Variants in ACOT1 observed in about 807,000 individuals in gnomAD.
ACOT1 encodes acyl-CoA thioesterase 1, also known as acyl-coenzyme A thioesterase 1.
ACOT1 carries 8 observed loss-of-function variants against 15.7 expected under a neutral mutation model. The observed-to-expected ratio is 0.51, with a 90% CI of 0.30 to 0.92. The LOEUF is 0.92. ACOT1 is among the 40% of genes least tolerant of loss of function. The pLI is 0.06. For missense variants in ACOT1, 151 were observed against 539.4 expected (o/e 0.28, Z 7.13); for synonymous variants, 67 against 241.2 (o/e 0.28, Z 6.69).
the ACOT1 span, among the ~76,000 whole-genome samples, chr14:73,525,052 G>A: frequency 1.3e-5 from 2 of 151,978 alleles, no homozygotes; most frequent in African/African-American, 4.8e-5. Flanking sequence ...TTTGAGACAG[G>A]GTCTTGTTCT....
At chr14:73,502,992 G>T in the ACOT1 span, 1 of 1,613,688 alleles carries the variant, frequency 6.2e-7, no homozygotes, top group Non-Finnish European at 8.5e-7. Flanking sequence ...CACATCAGCT[G>T]GATCAACTTA....
the ACOT1 span, chr14:73,508,125 G>A: frequency 5.0e-6 from 8 of 1,613,208 alleles, no homozygotes; most frequent in Non-Finnish European, 6.8e-6. Context: ...CCCGGTAATG[G>A]ACACATACTG....
At chr14:73,522,185 T>C in the ACOT1 span, 1 of 1,382,708 alleles carries the variant, frequency 7.2e-7, no homozygotes, top group Non-Finnish European at 9.9e-7. Flanking sequence ...GAGTGCATTC[T>C]GAAATCGGGA....
chr14:73,540,105 A>T (rs550877531), intron 1 of ACOT1, among the ~76,000 whole-genome samples: 1 of 121,408 alleles, frequency 8.2e-6, no homozygotes, highest in Non-Finnish European at 1.8e-5. Flanking sequence ...AGCATTATCA[A>T]TTGCTGACCA....
At chr14:73,535,469 C>CTTTTTTTTTTTTTTTTTTT (rs869167008), upstream of ACOT1, among the ~76,000 whole-genome samples, 7 of 16,534 alleles carry the variant, frequency 4.2e-4, 1 homozygote, top group Non-Finnish European at 1.1e-3. Flanking sequence ...TTTCTTCTTT[C>CTTTTTTTTTTTTTTTTTTT]TTTTTTTTTT....
At chr14:73,499,435 G>A in the ACOT1 span, among the ~76,000 whole-genome samples, 5 of 152,102 alleles carry the variant, frequency 3.3e-5, no homozygotes, top group African/African-American at 4.8e-5. Context: ...AGCTGAGATC[G>A]TGCCACTGTA....
chr14:73,493,156 G>T, the ACOT1 span: 2 of 1,589,566 alleles, frequency 1.3e-6, no homozygotes, highest in Non-Finnish European at 1.7e-6. Flanking sequence ...GAAGTTGGAG[G>T]TGGAAAAAAA....
At chr14:73,523,240 G>A in the ACOT1 span, 134 of 1,331,052 alleles carry the variant, frequency 1.0e-4, no homozygotes, top group African/African-American at 1.8e-3. Flanking sequence ...AAGGGAATGG[G>A]AGGAACTGAT....
the ACOT1 span, among the ~76,000 whole-genome samples, chr14:73,499,881 G>T: frequency 6.6e-6 from 1 of 152,184 alleles, no homozygotes; most frequent in Admixed American, 6.5e-5. Context: ...TGTCCAACAT[G>T]TGGCCTAGGA....
At chr14:73,531,584 CT>C in the ACOT1 span, among the ~76,000 whole-genome samples, 13 of 109,306 alleles carry the variant, frequency 1.2e-4, 2 homozygotes, top group African/African-American at 3.2e-4. Context: ...AATTGTTGTA[CT>C]TTTAGTAGAG....
the ACOT1 span, among the ~76,000 whole-genome samples, chr14:73,505,745 C>T: frequency 6.6e-6 from 1 of 151,894 alleles, no homozygotes; most frequent in Non-Finnish European, 1.5e-5. Flanking sequence ...AGCACAGACA[C>T]TCATTTAGAT....
At chr14:73,513,182 G>T in the ACOT1 span, among the ~76,000 whole-genome samples, 14 of 152,302 alleles carry the variant, frequency 9.2e-5, no homozygotes, top group East Asian at 2.5e-3. Context: ...GGGTCGCCTG[G>T]GTGCAGTGGC....
At chr14:73,514,455 G>A in the ACOT1 span, among the ~76,000 whole-genome samples, 2 of 152,202 alleles carry the variant, frequency 1.3e-5, no homozygotes, top group South Asian at 4.1e-4. Context: ...GATGATGGGG[G>A]TGAGAGATTT....
At chr14:73,536,659 G>A (rs1888873401), upstream of ACOT1, among the ~76,000 whole-genome samples, 1 of 113,668 alleles carries the variant, frequency 8.8e-6, no homozygotes, top group Non-Finnish European at 1.9e-5. Flanking sequence ...TTGGGAGGCC[G>A]AGGCGGGCGG....
the ACOT1 span, among the ~76,000 whole-genome samples, chr14:73,505,819 G>A: frequency 0.01 from 1,514 of 150,502 alleles, 32 homozygotes; most frequent in African/African-American, 0.035. Flanking sequence ...CAATTTTGGC[G>A]GGGGGGAAAT....
At chr14:73,512,203 T>C in the ACOT1 span, 2 of 1,596,148 alleles carry the variant, frequency 1.3e-6, no homozygotes, top group Non-Finnish European at 8.6e-7. Flanking sequence ...GGTTAGATAT[T>C]GTGCTGCAGG....
chr14:73,499,207 G>C, the ACOT1 span: 3 of 1,362,994 alleles, frequency 2.2e-6, no homozygotes, highest in African/African-American at 4.3e-5. Flanking sequence ...ACAGCTGGGT[G>C]CGGTGGTGCA....
At chr14:73,517,560 C>G in the ACOT1 span, 1 of 148,778 alleles carries the variant, frequency 6.7e-6, no homozygotes, top group African/African-American at 2.5e-5. Context: ...TCCAGCTACT[C>G]GGGAGAGTGA....
At chr14:73,534,722 T>C (rs1026338737), upstream of ACOT1, among the ~76,000 whole-genome samples, 1 of 112,736 alleles carries the variant, frequency 8.9e-6, no homozygotes, top group African/African-American at 2.9e-5. Flanking sequence ...ACAAATACTA[T>C]GCATAAAACC....
Sources: allele counts gnomAD v4.1 joint callset (sites outside exome capture counted in the v4.1 genomes callset), GRCh38; gene constraint gnomAD v4.1.1; transcripts MANE v1.5; gene names NCBI Gene and HGNC (gene_info 2026-07-23, HGNC 2026-07-21).